ABLIM1: variants seen among roughly 807,000 people sequenced by gnomAD.
ABLIM1 encodes the protein actin binding LIM protein 1, also known as actin-binding LIM protein 1.
ABLIM1 carries 40 observed loss-of-function variants against 107.0 expected under a neutral mutation model. The observed-to-expected ratio is 0.37, with a 90% CI of 0.29 to 0.49. ABLIM1 has a LOEUF of 0.49. Among genes scored for constraint, ABLIM1 ranks in the 20% least tolerant of loss-of-function variants. The probability of loss-of-function intolerance (pLI) is 0.97; values close to 1 mark genes in which losing one functional copy is unlikely to be tolerated. For synonymous variants in ABLIM1, 357 were observed against 357.3 expected, an observed-to-expected ratio of 1.00 and a Z score of 0.01; for missense variants, 857 against 1,008.5, an observed-to-expected ratio of 0.85 and a Z score of 2.04.
intron 2 of ABLIM1, among the ~76,000 whole-genome samples, chr10:114,577,274 C>T (rs1488859659): frequency 6.6e-6 from 1 of 152,282 alleles, no homozygotes; most frequent in South Asian, 2.1e-4. Flanking sequence ...TGAAACTTGG[C>T]AGGTTCCCAC....
the ABLIM1 span, among the ~76,000 whole-genome samples, chr10:114,780,705 C>A: frequency 6.6e-6 from 1 of 152,176 alleles, no homozygotes; most frequent in Non-Finnish European, 1.5e-5. Flanking sequence ...TACAAACCAA[C>A]GGCCTCCTAT....
At chr10:114,452,466 G>A (rs1362276746) in intron 13 of ABLIM1, among the ~76,000 whole-genome samples, 3 of 151,924 alleles carry the variant, frequency 2.0e-5, no homozygotes, top group African/African-American at 7.3e-5. Context: ...TTTTTAGAAA[G>A]GACAGTCCCA....
In ABLIM1 at chr10:114,551,889, A is replaced by G. The variant is rs12254038; in HGVS notation, c.674-4113T>C. Among the ~76,000 whole-genome samples, 556 of 152,276 alleles carry G rather than the reference A, an allele frequency of 3.7e-3. 4 individuals are homozygous for G. Among genetic ancestry groups the G allele is most frequent in the African/African-American group, 0.013 (528 of 41,568 alleles). ...GGTATCTATACCATTGAGCTCCTCC[A>G]TGCCCTGCACGGTGCCTCATGGGGG... is the stretch of plus-strand genomic sequence containing the variant. On this transcript the variant is annotated intron_variant, in intron 4 of 22. Coordinates refer to ENST00000533213, the MANE Select transcript of ABLIM1 (RefSeq NM_002313.7).
At chr10:114,499,284 A>C (rs1296308974) in intron 6 of ABLIM1, among the ~76,000 whole-genome samples, 2 of 152,254 alleles carry the variant, frequency 1.3e-5, no homozygotes, top group Non-Finnish European at 2.9e-5. Context: ...GTAGCACTGA[A>C]AGATCACTAA....
At chr10:114,787,335 C>T in the ABLIM1 span, among the ~76,000 whole-genome samples, 1 of 152,044 alleles carries the variant, frequency 6.6e-6, no homozygotes, top group Non-Finnish European at 1.5e-5. Context: ...GCCCCTCCGC[C>T]CGGCAGCCAC....
chr10:114,488,113 C>T (rs1427650972), intron 7 of ABLIM1, 97 bp from the exon 8 acceptor site: 1 of 1,268,150 alleles, frequency 7.9e-7, no homozygotes, highest in African/African-American at 1.5e-5. Context: ...TCCCTCTTTC[C>T]CCATCATAGG....
chr10:114,718,188 T>C (rs1298321785), intron 1 of ABLIM1, among the ~76,000 whole-genome samples: 1 of 151,834 alleles, frequency 6.6e-6, no homozygotes, highest in African/African-American at 2.4e-5. Context: ...CTAATGCCTC[T>C]TTAAGCTAGG....
chr10:114,788,013 T>C, the ABLIM1 span, among the ~76,000 whole-genome samples: 1 of 146,582 alleles, frequency 6.8e-6, no homozygotes, highest in African/African-American at 2.5e-5. Context: ...TGGGATCCTG[T>C]TGATCTGTGA....
chr10:114,528,428 A>T (rs2065095619), intron 6 of ABLIM1, among the ~76,000 whole-genome samples: 1 of 152,248 alleles, frequency 6.6e-6, no homozygotes, highest in Admixed American at 6.5e-5. Flanking sequence ...GAGAAAATGT[A>T]AGGTTTTAGC....
chr10:114,487,507 C>A (rs1271849969), intron 8 of ABLIM1, among the ~76,000 whole-genome samples: 4 of 152,302 alleles, frequency 2.6e-5, no homozygotes, highest in Admixed American at 2.6e-4. Context: ...TCTGACAAGC[C>A]ATCAGCTTTT....
intron 4 of ABLIM1, among the ~76,000 whole-genome samples, chr10:114,562,900 T>G (rs1185846060): frequency 1.3e-5 from 2 of 152,164 alleles, no homozygotes; most frequent in Non-Finnish European, 2.9e-5. Context: ...GTTCAGTAGC[T>G]GACGGTCTGG....
intron 3 of ABLIM1, among the ~76,000 whole-genome samples, chr10:114,572,091 A>G (rs892663924): frequency 2.6e-5 from 4 of 152,260 alleles, no homozygotes; most frequent in Admixed American, 2.0e-4. Flanking sequence ...CTGCATGTAG[A>G]TAATCAGTTT....
At chr10:114,559,366 G>A (rs1292579676) in intron 4 of ABLIM1, among the ~76,000 whole-genome samples, 2 of 149,468 alleles carry the variant, frequency 1.3e-5, no homozygotes, top group Admixed American at 6.7e-5. Context: ...TACTCAGGAC[G>A]CTGAGGTGGG....
intron 1 of ABLIM1, among the ~76,000 whole-genome samples, chr10:114,611,231 C>A (rs533747916): frequency 1.3e-5 from 2 of 152,156 alleles, no homozygotes; most frequent in Admixed American, 6.5e-5. Flanking sequence ...TTTTGGGAGG[C>A]CAAGGCGGGT....
rs1472608912 is a variant in ABLIM1, at chr10:114,436,173, C to A, written c.*87G>T. On this transcript the variant is annotated 3_prime_UTR_variant, in exon 23 of 23. Transcript: ENST00000533213. ...GCTGAGCGACGGTAGTTTGCAAATT[C>A]TCCAATCAAGTTTGGGCCTCAATAT... 37 of 1,066,588 alleles carry A rather than the reference C, an allele frequency of 3.5e-5. No homozygotes were observed. In the East Asian group the frequency reaches 8.6e-4, roughly 25 times the overall value. The allele number at this position is 1,066,588 out of a possible 1,614,324, so 66.1% of individuals were successfully genotyped here. A position where few individuals can be genotyped will look rare whatever the true frequency, so the allele number is the denominator to read the frequency against.
In ABLIM1 at chr10:114,468,421, C is replaced by A. The variant is rs1969727; in HGVS notation, c.1276-205G>T. Among the ~76,000 whole-genome samples the A allele has an allele frequency of 8.4e-3, 7 of 834 alleles. No individual in the cohort carries two copies. In the East Asian group the frequency reaches 0.3, roughly 36 times the overall value. The allele number at this position is 834 out of a possible 152,430, so 0.5% of individuals were successfully genotyped here. A position where few individuals can be genotyped will look rare whatever the true frequency, so the allele number is the denominator to read the frequency against. ...TCCCAAGTAGCTGGGACTACAGGCG[C>A]CGCCACCACCCCCAGCTACTTTTTT... On this transcript the variant is annotated intron_variant, in intron 10 of 22. Coordinates refer to ENST00000533213, the MANE Select transcript of ABLIM1 (RefSeq NM_002313.7).
At chr10:114,484,282 C>G (rs1327637876) in intron 8 of ABLIM1, among the ~76,000 whole-genome samples, 1 of 152,136 alleles carries the variant, frequency 6.6e-6, no homozygotes, top group Non-Finnish European at 1.5e-5. Flanking sequence ...TTAGCTACCT[C>G]GCAGGAATTC....
intron 1 of ABLIM1, among the ~76,000 whole-genome samples, chr10:114,691,591 G>A (rs2081080556): frequency 6.6e-6 from 1 of 152,124 alleles, no homozygotes; most frequent in South Asian, 2.1e-4. Flanking sequence ...CAGGAATCAG[G>A]GGATTCCACT....
In ABLIM1 at chr10:114,487,999, G is replaced by T. The variant is rs1460861468; in HGVS notation, c.1000C>A (p.Pro334Thr). ...GTCTTCGTAGATTGCTTACAGTCGG[G>T]ATGCCAAACGGTGGAGCCTGAGAAG... ...MYLQGSTVWH[P>T]DCKQSTKTEE... The change falls in exon 8 of 23, where the codon CCC becomes ACC. Residue 334 changes from proline to threonine, a missense_variant. Physicochemically the swap from Pro to Thr is conservative, Grantham distance 38 (BLOSUM62 -1). Transcript: ENST00000533213. 1 of 1,614,132 alleles carries T rather than the reference G, an allele frequency of 6.2e-7. No homozygotes were observed. The highest frequency in any genetic ancestry group is 1.1e-5 in the South Asian group (1 of 91,068).
Sources: allele counts gnomAD v4.1 joint callset (sites outside exome capture counted in the v4.1 genomes callset), GRCh38; gene constraint gnomAD v4.1.1; transcripts MANE v1.5; gene names NCBI Gene and HGNC (gene_info 2026-07-23, HGNC 2026-07-21).